Variants in GPRASP3 observed in about 807,000 individuals in gnomAD.
GPRASP3 encodes the protein G protein-coupled receptor associated sorting protein 3.
the GPRASP3 span, among the ~76,000 whole-genome samples, chrX:102,734,604 G>A: frequency 1.7e-4 from 19 of 111,226 alleles, no homozygotes; most frequent in Middle Eastern, 4.6e-3. Context: ...GCAACAGAGC[G>A]AGACTCTGTC....
the GPRASP3 span, among the ~76,000 whole-genome samples, chrX:102,745,446 C>A: frequency 9.0e-6 from 1 of 111,121 alleles, no homozygotes; most frequent in Non-Finnish European, 1.9e-5. Flanking sequence ...AGCAGGTGTA[C>A]CTTCCTCCCC....
At chrX:102,747,209 CTTTA>C in the GPRASP3 span, among the ~76,000 whole-genome samples, 2 of 111,985 alleles carry the variant, frequency 1.8e-5, no homozygotes, top group East Asian at 2.8e-4. Flanking sequence ...AGTTGGGAGA[CTTTA>C]TTTACTTAGT....
the GPRASP3 span, among the ~76,000 whole-genome samples, chrX:102,733,060 T>C: frequency 8.9e-6 from 1 of 112,444 alleles, no homozygotes; most frequent in Non-Finnish European, 1.9e-5. Context: ...GTCATTCCAG[T>C]CAAAGACTTG....
At chrX:102,745,425 A>G in the GPRASP3 span, among the ~76,000 whole-genome samples, 58 of 111,289 alleles carry the variant, frequency 5.2e-4, no homozygotes, top group Non-Finnish European at 9.4e-4. Flanking sequence ...CTGCCCCAGA[A>G]TTCACTTAAG....
At chrX:102,722,653 G>A in the GPRASP3 span, among the ~76,000 whole-genome samples, 1 of 111,097 alleles carries the variant, frequency 9.0e-6, no homozygotes. Context: ...CAGTCATCTC[G>A]GAACATAAAA....
the GPRASP3 span, among the ~76,000 whole-genome samples, chrX:102,725,347 A>G: frequency 9.0e-6 from 1 of 111,418 alleles, no homozygotes; most frequent in African/African-American, 3.3e-5. Context: ...TGTCCCTTCA[A>G]TCTTCAATGT....
the GPRASP3 span, among the ~76,000 whole-genome samples, chrX:102,728,250 C>G: frequency 4.5e-5 from 5 of 111,630 alleles, no homozygotes; most frequent in East Asian, 1.4e-3. Flanking sequence ...CAAGGTATAA[C>G]TGCATTGCCC....
At chrX:102,739,416 C>T in the GPRASP3 span, among the ~76,000 whole-genome samples, 1 of 111,341 alleles carries the variant, frequency 9.0e-6, no homozygotes, top group Non-Finnish European at 1.9e-5. Flanking sequence ...CGAGAAATGG[C>T]GGCTATAGGA....
At chrX:102,744,573 A>G in the GPRASP3 span, among the ~76,000 whole-genome samples, 1 of 111,944 alleles carries the variant, frequency 8.9e-6, no homozygotes, top group Non-Finnish European at 1.9e-5. Flanking sequence ...AGGCATCCAC[A>G]AAGGGAATAC....
chrX:102,748,333 A>G, the GPRASP3 span, among the ~76,000 whole-genome samples: 1 of 111,726 alleles, frequency 9.0e-6, no homozygotes, highest in African/African-American at 3.3e-5. Flanking sequence ...ATTGCACTAG[A>G]TCAGTGCAGG....
At chrX:102,753,452 T>C in the GPRASP3 span, 1 of 123,531 alleles carries the variant, frequency 8.1e-6, no homozygotes, top group Non-Finnish European at 1.9e-5. Context: ...TGTGTACAAG[T>C]GTTTTTATGG....
At chrX:102,743,853 G>A in the GPRASP3 span, among the ~76,000 whole-genome samples, 2 of 110,748 alleles carry the variant, frequency 1.8e-5, no homozygotes, top group Non-Finnish European at 3.8e-5. Flanking sequence ...AGCCAGACAT[G>A]CAAGAAATCT....
chrX:102,741,732 G>GA, the GPRASP3 span, among the ~76,000 whole-genome samples: 12 of 111,809 alleles, frequency 1.1e-4, no homozygotes, highest in Admixed American at 6.6e-4. Flanking sequence ...GCAAACTGAA[G>GA]AAAGACAAAG....
At chrX:102,730,053 A>G in the GPRASP3 span, among the ~76,000 whole-genome samples, 1 of 112,006 alleles carries the variant, frequency 8.9e-6, no homozygotes, top group African/African-American at 3.2e-5. Context: ...TATTATTATT[A>G]CATTGTAATA....
chrX:102,727,570 A>G, the GPRASP3 span, among the ~76,000 whole-genome samples: 1 of 112,401 alleles, frequency 8.9e-6, no homozygotes, highest in Non-Finnish European at 1.9e-5. Context: ...AGTGGCAACT[A>G]TGCAAAAATG....
At chrX:102,751,192 CAA>C in the GPRASP3 span, 1 of 124,059 alleles carries the variant, frequency 8.1e-6, no homozygotes, top group African/African-American at 3.2e-5. Context: ...GAATCTCAGA[CAA>C]AATGTATTAT....
the GPRASP3 span, among the ~76,000 whole-genome samples, chrX:102,733,517 G>C: frequency 2.8e-5 from 3 of 108,790 alleles, no homozygotes; most frequent in Admixed American, 9.9e-5. Context: ...ATCAGGTAGC[G>C]AGAAAGGAAT....
chrX:102,740,921 C>T, the GPRASP3 span, among the ~76,000 whole-genome samples: 1 of 111,163 alleles, frequency 9.0e-6, no homozygotes, highest in Non-Finnish European at 1.9e-5. Context: ...AAACTGCACA[C>T]GGGGGTCAGA....
the GPRASP3 span, among the ~76,000 whole-genome samples, chrX:102,737,901 G>C: frequency 9.0e-6 from 1 of 111,115 alleles, no homozygotes; most frequent in Non-Finnish European, 1.9e-5. Context: ...CATTACCAGG[G>C]ACCGGTGGGT....
Sources: gnomAD v4.1 joint callset for allele counts (sites outside exome capture counted in the v4.1 genomes callset) on GRCh38, gnomAD v4.1.1 for gene constraint, MANE v1.5 for transcripts, NCBI Gene and HGNC (gene_info 2026-07-23, HGNC 2026-07-21) for gene names.